The following PALM2AKAP2 variants were observed in gnomAD, a reference collection of about 807,000 sequenced individuals.
The protein encoded by PALM2AKAP2 is PALM2-AKAP2 fusion protein.
PALM2AKAP2 carries 37 observed loss-of-function variants against 71.5 expected under a neutral mutation model. That is an observed-to-expected ratio of 0.52 (90% confidence interval 0.40 to 0.68). The LOEUF (loss-of-function observed/expected upper bound fraction) is 0.68. Ranked by LOEUF, PALM2AKAP2 falls within the 30% of genes least tolerant of loss-of-function variation. PALM2AKAP2 has a pLI of 0.00. For synonymous variants in PALM2AKAP2, 468 were observed against 478.8 expected, an observed-to-expected ratio of 0.98 and a Z score of 0.29; for missense variants, 1,224 against 1,191.8, an observed-to-expected ratio of 1.03 and a Z score of -0.40.
intron 1 of PALM2AKAP2, among the ~76,000 whole-genome samples, chr9:110,122,380 T>C (rs1349202790): frequency 1.3e-5 from 2 of 152,366 alleles, no homozygotes; most frequent in East Asian, 3.9e-4. Context: ...TTCTTGGGTC[T>C]GCTCCTTCCT....
chr9:110,047,875 T>G (rs975731195), upstream of PALM2AKAP2, among the ~76,000 whole-genome samples: 3 of 152,170 alleles, frequency 2.0e-5, no homozygotes, highest in African/African-American at 7.2e-5. Flanking sequence ...GAGGAGGGGA[T>G]GAGAGACTGA....
intron 6 of PALM2AKAP2, among the ~76,000 whole-genome samples, chr9:109,983,160 C>A (rs961207177): frequency 6.6e-6 from 1 of 152,124 alleles, no homozygotes; most frequent in East Asian, 1.9e-4. Context: ...ATAAAATTTC[C>A]GGCTTTCAGG....
At chr9:109,925,644 A>C (rs913298723) in intron 5 of PALM2AKAP2, among the ~76,000 whole-genome samples, 1 of 151,944 alleles carries the variant, frequency 6.6e-6, no homozygotes, top group African/African-American at 2.4e-5. Flanking sequence ...AGAGCATAGG[A>C]AGGTAGGAGT....
exon 2 of PALM2AKAP2, chr9:109,867,567 C>G: frequency 6.2e-7 from 1 of 1,612,482 alleles, no homozygotes; most frequent in Non-Finnish European, 8.5e-7. Flanking sequence ...CTGCAGCATT[C>G]CAAGGTAAGC....
chr9:109,820,698 C>T (rs79769787), intron 1 of PALM2AKAP2, among the ~76,000 whole-genome samples: 10,574 of 152,274 alleles, frequency 0.069, 496 homozygotes, highest in South Asian at 0.098. Context: ...ATCAGAAACT[C>T]CATGTCTCCT....
At chr9:109,902,654 G>A (rs1830356304) in intron 3 of PALM2AKAP2, among the ~76,000 whole-genome samples, 1 of 152,256 alleles carries the variant, frequency 6.6e-6, no homozygotes, top group Admixed American at 6.5e-5. Context: ...AATGTATTCA[G>A]TGCCTTGGCC....
chr9:109,909,462 C>A (rs1830522580), intron 3 of PALM2AKAP2, among the ~76,000 whole-genome samples: 1 of 152,218 alleles, frequency 6.6e-6, no homozygotes, highest in South Asian at 2.1e-4. Context: ...TCAACCAACA[C>A]TTACTGAGAA....
chr9:109,758,554 C>G (rs1564136967), intron 1 of PALM2AKAP2, among the ~76,000 whole-genome samples: 1 of 144,850 alleles, frequency 6.9e-6, no homozygotes, highest in Non-Finnish European at 1.5e-5. Context: ...GTGTGTGTGT[C>G]AATGTAAAGA....
intron 1 of PALM2AKAP2, among the ~76,000 whole-genome samples, chr9:109,720,898 A>C (rs1449373396): frequency 6.6e-6 from 1 of 152,182 alleles, no homozygotes; most frequent in Non-Finnish European, 1.5e-5. Flanking sequence ...TAGAGCAGTA[A>C]GCCAAACAGG....
chr9:110,164,378 T>C (rs1285463184), intron 3 of PALM2AKAP2, among the ~76,000 whole-genome samples: 1 of 152,210 alleles, frequency 6.6e-6, no homozygotes, highest in East Asian at 1.9e-4. Flanking sequence ...TTGATTGCTT[T>C]CAAAGTTAAG....
At chr9:110,038,199 G>A (rs1483589991) in intron 7 of PALM2AKAP2, among the ~76,000 whole-genome samples, 1 of 152,042 alleles carries the variant, frequency 6.6e-6, no homozygotes, top group Non-Finnish European at 1.5e-5. Context: ...AAATTAGCCA[G>A]GTGAGGCAGC....
chr9:109,810,876 C>T (rs528890093), intron 1 of PALM2AKAP2, among the ~76,000 whole-genome samples: 3 of 152,198 alleles, frequency 2.0e-5, no homozygotes, highest in Admixed American at 2.0e-4. Context: ...GATAGCAGAG[C>T]CCACAGAATG....
At chr9:109,764,101 T>A (rs747879271) in intron 1 of PALM2AKAP2, among the ~76,000 whole-genome samples, 2 of 152,118 alleles carry the variant, frequency 1.3e-5, no homozygotes, top group African/African-American at 4.8e-5. Context: ...GCTCCTATTG[T>A]CTCTTGACTA....
chr9:109,640,969 G>A, intron 1 of PALM2AKAP2: 1 of 1,401,366 alleles, frequency 7.1e-7, no homozygotes, highest in Non-Finnish European at 9.3e-7. Context: ...TCCAGGATGG[G>A]TGTTTAATTT....
Position 109,858,246 on chromosome 9 carries a change from T to C in PALM2AKAP2, c.46-9245T>C, listed in dbSNP as rs75608556. Among the ~76,000 whole-genome samples, 16 of 152,354 alleles carry C rather than the reference T, an allele frequency of 1.1e-4. No homozygotes were observed. The East Asian group carries it at 3.1e-3, about 29-fold the overall frequency. Reference sequence around the variant, plus strand: ...CTCCTCTGTAAAATGGGGATAATGATAGTACCTAACTCATTAGGTTGTTGT... The same window carrying C: ...CTCCTCTGTAAAATGGGGATAATGACAGTACCTAACTCATTAGGTTGTTGT... On this transcript the variant is annotated intron_variant, in intron 1 of 9. Coordinates refer to the PALM2AKAP2 transcript ENST00000302798.
exon 2 of PALM2AKAP2, chr9:110,137,715 A>G (rs374810288): frequency 2.3e-5 from 37 of 1,614,078 alleles, no homozygotes; most frequent in African/African-American, 2.1e-4. Flanking sequence ...ACCCTATCCA[A>G]TGATTTCAGC....
intron 1 of PALM2AKAP2, among the ~76,000 whole-genome samples, chr9:109,815,915 G>A (rs984540995): frequency 2.0e-5 from 3 of 152,232 alleles, no homozygotes; most frequent in African/African-American, 7.2e-5. Flanking sequence ...ATGCAGGTGA[G>A]TGGAGGATAA....
intron 3 of PALM2AKAP2, among the ~76,000 whole-genome samples, chr9:109,881,411 G>A (rs550071717): frequency 6.6e-6 from 1 of 152,278 alleles, no homozygotes; most frequent in African/African-American, 2.4e-5. Context: ...GCTGTAGTGA[G>A]TCTGTTTTCA....
chr9:110,128,379 G>A (rs1290729711), intron 1 of PALM2AKAP2, among the ~76,000 whole-genome samples: 3 of 152,190 alleles, frequency 2.0e-5, no homozygotes. Context: ...CAAAAGAGAG[G>A]CAGGATGAGA....
Sources: allele counts gnomAD v4.1 joint callset (sites outside exome capture counted in the v4.1 genomes callset), GRCh38; gene constraint gnomAD v4.1.1; transcripts MANE v1.5; gene names NCBI Gene and HGNC (gene_info 2026-07-23, HGNC 2026-07-21).